LAD1: variants seen among roughly 807,000 people sequenced by gnomAD.
LAD1 encodes ladinin-1.
In LAD1, 53 loss-of-function variants were observed where a neutral mutation model predicts 54.2. The ratio of observed to expected loss-of-function variants is 0.98; its 90% CI spans 0.78 to 1.23. LAD1 has a LOEUF of 1.23. LAD1 is among the 50% of genes most tolerant of loss of function. LAD1 has a pLI of 0.00. For missense variants in LAD1, 637 were observed against 653.3 expected (o/e 0.98, Z 0.27); for synonymous variants, 231 against 257.7 (o/e 0.90, Z 0.99).
chr1:201,390,755 A>T (rs184594137), intron 1 of LAD1, among the ~76,000 whole-genome samples: 3 of 152,220 alleles, frequency 2.0e-5, no homozygotes, highest in African/African-American at 7.2e-5. Flanking sequence ...CAGATGGGAC[A>T]ACCAAAATGT....
Position 201,382,331 on chromosome 1 carries a change from T to G in LAD1, c.1474-5A>C. On this transcript the variant is annotated splice_polypyrimidine_tract_variant and splice_region_variant and intron_variant, in intron 8 of 9. Coordinates refer to ENST00000391967, the MANE Select transcript of LAD1 (RefSeq NM_005558.4). Reference sequence around the variant, plus strand: ...AGATGATGCTTTCTGTGCCTCCTGATTGAGGGTATCAGGGTGGAGACCAGA... The same window carrying G: ...AGATGATGCTTTCTGTGCCTCCTGAGTGAGGGTATCAGGGTGGAGACCAGA... 1 of 1,611,780 alleles carries G rather than the reference T, an allele frequency of 6.2e-7. No individual in the cohort carries two copies. The highest frequency in any genetic ancestry group is 8.5e-7 in the Non-Finnish European group (1 of 1,177,974).
intron 1 of LAD1, among the ~76,000 whole-genome samples, chr1:201,392,753 G>C (rs563292318): frequency 6.6e-6 from 1 of 152,110 alleles, no homozygotes; most frequent in East Asian, 1.9e-4. Context: ...ACAACATGAT[G>C]GGATCGCTCT....
intron 1 of LAD1, among the ~76,000 whole-genome samples, chr1:201,397,515 C>T (rs1558274793): frequency 1.3e-5 from 2 of 152,248 alleles, no homozygotes; most frequent in Admixed American, 6.5e-5. Context: ...GACCTTGCTC[C>T]CATTTTCAAA....
In LAD1 at chr1:201,385,740, G is replaced by A. The variant is rs1662069882; in HGVS notation, c.1092C>T (p.Ser364=). The change falls in exon 4 of 10, where the codon AGC becomes AGT. Residue 364 remains serine (S), a synonymous_variant. Coordinates refer to ENST00000391967, the MANE Select transcript of LAD1 (RefSeq NM_005558.4). ...MSSPTQRTYS[S]SLKRSSPRTI... is the part of the protein sequence containing the mutation. Reference sequence around the variant, plus strand: ...TCCTGGGGCTGGAGCGTTTGAGGGAGCTGCTGTAGGTTCGCTGTGTGGGTG... The same window carrying A: ...TCCTGGGGCTGGAGCGTTTGAGGGAACTGCTGTAGGTTCGCTGTGTGGGTG... The A allele has an allele frequency of 6.2e-7, 1 of 1,614,072 alleles. No homozygotes were observed.
At chr1:201,387,205 CAG>C in intron 2 of LAD1, 27 bp from the exon 3 acceptor site, 1 of 1,487,074 alleles carries the variant, frequency 6.7e-7, no homozygotes, top group Non-Finnish European at 8.9e-7. Context: ...GAGACAGAAT[CAG>C]AGGATAGAGG....
intron 4 of LAD1, 79 bp downstream of exon 4, chr1:201,385,622 G>C (rs1179766938): frequency 1.9e-6 from 2 of 1,041,232 alleles, no homozygotes; most frequent in Non-Finnish European, 1.5e-6. Context: ...CTAACCTACG[G>C]CTCCTATGTT....
At position 201,386,938 on chromosome 1, in the gene LAD1, T is replaced by A. The variant is rs1267538224; in HGVS notation, c.423A>T (p.Pro141=). 1 of 1,611,872 alleles carries A rather than the reference T, an allele frequency of 6.2e-7. No homozygotes were observed. Among genetic ancestry groups the A allele is most frequent in the Non-Finnish European group, 8.5e-7 (1 of 1,179,512 alleles). Residue 141 remains proline (P), a synonymous_variant, in exon 3 of 10, where the codon CCA becomes CCT. Transcript: ENST00000391967. ...GTTCCCGACTCAGTCTCCGGCGAGG[T>A]GGGATTTCCAGTTCCTTCTTGGAGA... ...PLVSKKELEI[P]PRRRLSREQR...
At chr1:201,382,816 A>G in intron 7 of LAD1, 77 bp from the exon 8 acceptor site, 1 of 1,171,638 alleles carries the variant, frequency 8.5e-7, no homozygotes, top group East Asian at 2.5e-5. Context: ...CTGGAATGGG[A>G]TAGGACTCTC....
At chr1:201,382,549 C>T (rs1661984383) in intron 8 of LAD1, 104 bp downstream of exon 8, 3 of 985,406 alleles carry the variant, frequency 3.0e-6, no homozygotes, top group South Asian at 2.9e-5. Flanking sequence ...AATGACTCCT[C>T]CTCTCCCGAA....
chr1:201,384,694 C>T, intron 5 of LAD1, 98 bp downstream of exon 5: 2 of 1,245,458 alleles, frequency 1.6e-6, no homozygotes, highest in Non-Finnish European at 1.2e-6. Flanking sequence ...CTCATGTGCC[C>T]TACCGCACAG....
intron 1 of LAD1, 99 bp downstream of exon 1, chr1:201,399,170 T>A: frequency 9.8e-7 from 1 of 1,015,794 alleles, no homozygotes; most frequent in South Asian, 1.4e-5. Context: ...AGCCTCAGTG[T>A]CAGGGTCCCA....
intron 1 of LAD1, chr1:201,391,158 G>C (rs532495741): frequency 6.6e-6 from 3 of 456,402 alleles, no homozygotes; most frequent in Admixed American, 4.7e-5. Context: ...GATGGAAAGA[G>C]CTTCGTGGAA....
At position 201,381,461 on chromosome 1, in the gene LAD1, G is replaced by T; in HGVS notation, c.*427C>A. 3.7e-6 allele frequency: 1 copy of T among 266,862 alleles called. No individual in the cohort carries two copies. Among genetic ancestry groups the T allele is most frequent in the Non-Finnish European group, 7.2e-6 (1 of 138,210 alleles). 16.5% of individuals were successfully genotyped at this position (266,862 alleles called of 1,614,324 possible). On this transcript the variant is annotated 3_prime_UTR_variant, in exon 10 of 10. Transcript: ENST00000391967. ...CAAAGATGGGTGGGTCCAGGCCTCA[G>T]AGAAGGGGGACATCATAGACAAAGA...
At position 201,386,991 on chromosome 1, in the gene LAD1, G is replaced by T. The variant is rs1248759391; in HGVS notation, c.370C>A (p.Pro124Thr). The T allele has an allele frequency of 1.2e-6, 2 of 1,609,196 alleles. No individual in the cohort carries two copies. Among genetic ancestry groups the T allele is most frequent in the South Asian group, 1.1e-5 (1 of 90,186 alleles). The change falls in exon 3 of 10, where the codon CCT (proline) becomes ACT (threonine). Residue 124 changes from proline to threonine, a missense_variant. Physicochemically the swap from Pro to Thr is conservative, Grantham distance 38. Transcript: ENST00000391967. ...AGGGGTTTCTGTGTGGCCTGCACAGGGCTCAAGCTGTTCCTCCCCTCCTCT... is the reference window on the plus strand; with the variant it reads ...AGGGGTTTCTGTGTGGCCTGCACAGTGCTCAAGCTGTTCCTCCCCTCCTCT... The part of the protein sequence containing the change: ...EAEEGRNSLS[P>T]VQATQKPLVS...
chr1:201,391,932 G>T (rs1217622780), intron 1 of LAD1, among the ~76,000 whole-genome samples: 1 of 152,212 alleles, frequency 6.6e-6, no homozygotes, highest in Non-Finnish European at 1.5e-5. Context: ...TCTAGAAAAG[G>T]CCTCTTTCTT....
intron 8 of LAD1, 25 bp from the exon 9 acceptor site, chr1:201,382,351 A>C (rs780441913): frequency 1.2e-5 from 19 of 1,578,106 alleles, no homozygotes; most frequent in Admixed American, 1.7e-5. Flanking sequence ...CAGGGTGGAG[A>C]CCAGAGACTA....
At chr1:201,382,083 A>AC (rs1289198232) in intron 9 of LAD1, among the ~76,000 whole-genome samples, 169 bp downstream of exon 9, 1 of 152,146 alleles carries the variant, frequency 6.6e-6, no homozygotes, top group South Asian at 2.1e-4. Flanking sequence ...TGAGGGCTCA[A>AC]CCTTGTTCTC....
At chr1:201,383,486 C>G in intron 5 of LAD1, 97 bp from the exon 6 acceptor site, 1 of 1,143,918 alleles carries the variant, frequency 8.7e-7, no homozygotes, top group Non-Finnish European at 1.3e-6. Flanking sequence ...CACACGTTCT[C>G]ATTGTGGCCA....
intron 1 of LAD1, among the ~76,000 whole-genome samples, chr1:201,397,002 A>C (rs776931238): frequency 2.0e-5 from 3 of 152,140 alleles, no homozygotes; most frequent in Admixed American, 6.5e-5. Flanking sequence ...CAGTCCGGGG[A>C]GAAAAGGACA....
Sources: gnomAD v4.1 joint callset for allele counts (sites outside exome capture counted in the v4.1 genomes callset) on GRCh38, gnomAD v4.1.1 for gene constraint, MANE v1.5 for transcripts, NCBI Gene and HGNC (gene_info 2026-07-23, HGNC 2026-07-21) for gene names.